LIPT2: variants seen among roughly 807,000 people sequenced by gnomAD.
LIPT2 encodes the protein lipoyl(octanoyl) transferase 2.
Under a neutral mutation model 16.2 loss-of-function variants are expected in LIPT2, and 16 were observed. That is an observed-to-expected ratio of 0.99 (90% confidence interval 0.67 to 1.50). The LOEUF (loss-of-function observed/expected upper bound fraction) is 1.50. Among genes scored for constraint, LIPT2 ranks in the 40% most tolerant of loss-of-function variants. The pLI, the probability that LIPT2 is intolerant of heterozygous loss-of-function variation, is 0.00. For missense variants in LIPT2, 424 were observed against 347.7 expected (o/e 1.22, Z -1.75); for synonymous variants, 199 against 169.3 (o/e 1.18, Z -1.36).
chr11:74,493,585 G>A lies in LIPT2; in HGVS notation c.119C>T (p.Ser40Leu). 6.9e-7 allele frequency: 1 copy of A among 1,452,158 alleles called. No homozygotes were observed. 90.0% of individuals were successfully genotyped at this position (1,452,158 alleles called of 1,614,324 possible). The change falls in exon 1 of 2, where the codon TCG (serine) becomes TTG (leucine). Residue 40 changes from serine (S) to leucine (L), a missense_variant. By Grantham distance (145) the Ser-to-Leu change is moderately radical (BLOSUM62 -2). Coordinates refer to ENST00000310109, the MANE Select transcript of LIPT2 (RefSeq NM_001144869.3). Reference sequence around the variant, plus strand: ...CAGGAGCGCGCCCGCCTCAGTCCCCGACGGGGCCTCAATGCCTGGCTCGGC... The same window carrying A: ...CAGGAGCGCGCCCGCCTCAGTCCCCAACGGGGCCTCAATGCCTGGCTCGGC... The part of the protein sequence containing the change: ...LQAEPGIEAP[S>L]GTEAGALLLC...
In LIPT2 at chr11:74,493,435, G is replaced by A. The variant is rs1215427401; in HGVS notation, c.269C>T (p.Thr90Ile). ...AAGCAGCTGGCCCGGGCCGTGGAAGGTGGCCAGGCCACCGCGGCCTGTGAC... is the reference window on the plus strand; with the variant it reads ...AAGCAGCTGGCCCGGGCCGTGGAAGATGGCCAGGCCACCGCGGCCTGTGAC... ...VRVTGRGGLA[T>I]FHGPGQLLCH... The change falls in exon 1 of 2, where the codon ACC (threonine) becomes ATC (isoleucine). Residue 90 changes from threonine (T) to isoleucine (I), a missense_variant. Physicochemically the swap from Thr to Ile is moderately conservative, Grantham distance 89 (BLOSUM62 -1). Transcript: ENST00000310109. The A allele has an allele frequency of 1.3e-6, 2 of 1,504,824 alleles. No individual in the cohort carries two copies. Among genetic ancestry groups the A allele is most frequent in the Non-Finnish European group, 1.8e-6 (2 of 1,133,822 alleles). 93.2% of individuals were successfully genotyped at this position (1,504,824 alleles called of 1,614,324 possible).
In LIPT2 at chr11:74,493,438, G is replaced by A. The variant is rs1864399292; in HGVS notation, c.266C>T (p.Ala89Val). Residue 89 changes from alanine (A) to valine (V), a missense_variant, in exon 1 of 2, where the codon GCC becomes GTC. Coordinates refer to ENST00000310109, the MANE Select transcript of LIPT2 (RefSeq NM_001144869.3). ...EVRVTGRGGLATFHGPGQLLC... is the reference protein window; with the variant it reads ...EVRVTGRGGLVTFHGPGQLLC... ...CAGCTGGCCCGGGCCGTGGAAGGTG[G>A]CCAGGCCACCGCGGCCTGTGACGCG... The A allele has an allele frequency of 6.7e-7, 1 of 1,501,000 alleles. No individual in the cohort carries two copies. Among genetic ancestry groups the A allele is most frequent in the Non-Finnish European group, 8.8e-7 (1 of 1,131,866 alleles). The allele number at this position is 1,501,000 out of a possible 1,614,324, so 93.0% of individuals were successfully genotyped here.
rs1236081673 is a variant in LIPT2 at position 74,491,466 on chromosome 11, T to A, written c.*669A>T. 6.6e-6 allele frequency among the ~76,000 whole-genome samples: 1 copy of A among 152,240 alleles called. No homozygotes were observed. The highest frequency in any genetic ancestry group is 1.5e-5 in the Non-Finnish European group (1 of 68,048). On this transcript the variant is annotated 3_prime_UTR_variant, in exon 2 of 2. Transcript: ENST00000310109. ...GCCTTACAAATTTAGAGGTCTCATA[T>A]AAGAAAAACTCACTTCTATCTTTGG...
In LIPT2 at chr11:74,493,396, A is replaced by G. The variant is rs965475341; in HGVS notation, c.308T>C (p.Leu103Pro). The G allele has an allele frequency of 6.6e-7, 1 of 1,516,092 alleles. No homozygotes were observed. The highest frequency in any genetic ancestry group is 8.8e-7 in the Non-Finnish European group (1 of 1,139,262). The allele number at this position is 1,516,092 out of a possible 1,614,324, so 93.9% of individuals were successfully genotyped here. A position where few individuals can be genotyped will look rare whatever the true frequency, so the allele number is the denominator to read the frequency against. The change falls in exon 1 of 2, where the codon CTC (leucine) becomes CCC (proline). Residue 103 changes from leucine (L) to proline (P), a missense_variant. Coordinates refer to ENST00000310109, the MANE Select transcript of LIPT2 (RefSeq NM_001144869.3). ...GPGQLLCHPVLDLRRLGLRLR... is the reference protein window; with the variant it reads ...GPGQLLCHPVPDLRRLGLRLR... ...GCGCAGGCCGAGACGCCGCAGGTCG[A>G]GTACCGGGTGGCAAAGCAGCTGGCC... is the stretch of plus-strand genomic sequence containing the variant.
Position 74,493,374 on chromosome 11 carries a change from C to T in LIPT2, c.330G>A (p.Leu110=). 6.6e-7 allele frequency: 1 copy of T among 1,512,662 alleles called. No individual in the cohort carries two copies. Among genetic ancestry groups the T allele is most frequent in the Middle Eastern group, 1.9e-4 (1 of 5,396 alleles). The allele number at this position is 1,512,662 out of a possible 1,614,324, so 93.7% of individuals were successfully genotyped here. The change falls in exon 1 of 2, where the codon CTG becomes CTA. Residue 110 remains leucine, a synonymous_variant. Coordinates refer to ENST00000310109, the MANE Select transcript of LIPT2 (RefSeq NM_001144869.3). ...GCGACGCTACGTGCATGCGCAAGCG[C>T]AGGCCGAGACGCCGCAGGTCGAGTA... ...HPVLDLRRLG[L]RLRMHVASLE...
At position 74,490,757 on chromosome 11, in the gene LIPT2, C is replaced by A. The variant is rs1211390072; in HGVS notation, c.*1378G>T. ...TCACCCATTTCTTTTACCTTTTTAA[C>A]ATGGATCCTAGAAAATGTCAAATTA... On this transcript the variant is annotated 3_prime_UTR_variant, in exon 2 of 2. Coordinates refer to ENST00000310109, the MANE Select transcript of LIPT2 (RefSeq NM_001144869.3). 6.6e-6 allele frequency among the ~76,000 whole-genome samples: 1 copy of A among 152,138 alleles called. No individual in the cohort carries two copies. Among genetic ancestry groups the A allele is most frequent in the African/African-American group, 2.4e-5 (1 of 41,434 alleles).
At chr11:74,492,840 C>T (rs1000716548) in intron 1 of LIPT2, among the ~76,000 whole-genome samples, 1 of 147,788 alleles carries the variant, frequency 6.8e-6, no homozygotes, top group East Asian at 2.0e-4. Flanking sequence ...GGAGGCGGAG[C>T]TTGCAGTGGG....
At position 74,490,909 on chromosome 11, in the gene LIPT2, C is replaced by T. The variant is rs1864322726; in HGVS notation, c.*1226G>A. On this transcript the variant is annotated 3_prime_UTR_variant, in exon 2 of 2. Coordinates refer to ENST00000310109, the MANE Select transcript of LIPT2 (RefSeq NM_001144869.3). ...GGGTCCCCTGACTTCTCATTCGAGG[C>T]TCTTTCCACTCTTAATAGGCTGTGG... Among the ~76,000 whole-genome samples, 1 of 152,190 alleles carries T rather than the reference C, an allele frequency of 6.6e-6. No individual in the cohort carries two copies. The highest frequency in any genetic ancestry group is 1.5e-5 in the Non-Finnish European group (1 of 68,036).
Position 74,491,754 on chromosome 11 carries a change from A to G in LIPT2, c.*381T>C, listed in dbSNP as rs1864339240. On this transcript the variant is annotated 3_prime_UTR_variant, in exon 2 of 2. Coordinates refer to ENST00000310109, the MANE Select transcript of LIPT2 (RefSeq NM_001144869.3). Reference sequence around the variant, plus strand: ...TGATTCCCACAAAATCAAAGGAACTAGAGCCCAGAATTGCTCAGTTAGACA... The same window carrying G: ...TGATTCCCACAAAATCAAAGGAACTGGAGCCCAGAATTGCTCAGTTAGACA... The G allele has an allele frequency of 5.4e-6, 1 of 186,742 alleles. No individual in the cohort carries two copies. The allele number at this position is 186,742 out of a possible 1,614,324, so 11.6% of individuals were successfully genotyped here.
At position 74,493,716 on chromosome 11, in the gene LIPT2, T is replaced by G; in HGVS notation, c.-13A>C. On this transcript the variant is annotated 5_prime_UTR_variant, in exon 1 of 2. Transcript: ENST00000310109. Reference sequence around the variant, plus strand: ...CGGGTTGCCGCATCGTGCCCACCGTTGCGTCCGCGGGGCCCCGCCCTCTCC... The same window carrying G: ...CGGGTTGCCGCATCGTGCCCACCGTGGCGTCCGCGGGGCCCCGCCCTCTCC... 1 of 1,353,252 alleles carries G rather than the reference T, an allele frequency of 7.4e-7. No homozygotes were observed. The highest frequency in any genetic ancestry group is 1.8e-5 in the South Asian group (1 of 54,874). 83.8% of individuals were successfully genotyped at this position (1,353,252 alleles called of 1,614,324 possible). A position where few individuals can be genotyped will look rare whatever the true frequency, so the allele number is the denominator to read the frequency against.
In LIPT2 at chr11:74,491,502, G is replaced by C. The variant is rs1402075005; in HGVS notation, c.*633C>G. ...CACTTCTATCTTTGGCATTTGTACAGTGTGAGAAATTATTCTTATCCTTCC... is the reference window on the plus strand; with the variant it reads ...CACTTCTATCTTTGGCATTTGTACACTGTGAGAAATTATTCTTATCCTTCC... On this transcript the variant is annotated 3_prime_UTR_variant, in exon 2 of 2. Coordinates refer to ENST00000310109, the MANE Select transcript of LIPT2 (RefSeq NM_001144869.3). 2.0e-5 allele frequency among the ~76,000 whole-genome samples: 3 copies of C among 152,240 alleles called. No homozygotes were observed. The highest frequency in any genetic ancestry group is 2.0e-4 in the Admixed American group (3 of 15,286).
In LIPT2 at chr11:74,493,350, C is replaced by G; in HGVS notation, c.354G>C (p.Ser118=). Residue 118 remains serine, a synonymous_variant, in exon 1 of 2, where the codon TCG becomes TCC. Coordinates refer to ENST00000310109, the MANE Select transcript of LIPT2 (RefSeq NM_001144869.3). ...LGLRLRMHVA[S]LEACAVRLCE... ...ACAGGCGCACGGCGCACGCCTCCAG[C>G]GACGCTACGTGCATGCGCAAGCGCA... The G allele has an allele frequency of 1.3e-6, 2 of 1,503,356 alleles. No homozygotes were observed. The highest frequency in any genetic ancestry group is 1.8e-6 in the Non-Finnish European group (2 of 1,132,618). 93.1% of individuals were successfully genotyped at this position (1,503,356 alleles called of 1,614,324 possible).
Position 74,492,013 on chromosome 11 carries a change from A to T in LIPT2, c.*122T>A, listed in dbSNP as rs1864346209. 1 of 679,522 alleles carries T rather than the reference A, an allele frequency of 1.5e-6. No individual in the cohort carries two copies. The highest frequency in any genetic ancestry group is 1.8e-5 in the African/African-American group (1 of 56,110). 42.1% of individuals were successfully genotyped at this position (679,522 alleles called of 1,614,324 possible). On this transcript the variant is annotated 3_prime_UTR_variant, in exon 2 of 2. Coordinates refer to ENST00000310109, the MANE Select transcript of LIPT2 (RefSeq NM_001144869.3). ...AAAATAGTGGCTCAGAGCTCATGGT[A>T]TGTCCTTAGTTTCATGATCAGTGAA...
In LIPT2 at chr11:74,493,262, C is replaced by A. The variant is rs1323223299; in HGVS notation, c.442G>T (p.Asp148Tyr). Residue 148 changes from aspartate (D) to tyrosine (Y), a missense_variant, in exon 1 of 2, where the codon GAC becomes TAC. Physicochemically the swap from Asp to Tyr is radical, Grantham distance 160. Transcript: ENST00000310109. ...CCGATCGCGCAGATCTTGCGATCGT[C>A]TAGCCAGACGCCAGTGTAGGGCGGG... ...RPPPYTGVWLDDRKICAIGVR... is the reference protein window; with the variant it reads ...RPPPYTGVWLYDRKICAIGVR... The A allele has an allele frequency of 7.3e-7, 1 of 1,368,276 alleles. No individual in the cohort carries two copies. The highest frequency in any genetic ancestry group is 3.5e-5 in the Admixed American group (1 of 28,660). 84.8% of individuals were successfully genotyped at this position (1,368,276 alleles called of 1,614,324 possible).
In LIPT2 at chr11:74,492,605, T is replaced by TA. The variant is rs374492084; in HGVS notation, c.467-242dup. On this transcript the variant is annotated intron_variant, in intron 1 of 1. Transcript: ENST00000310109. The stretch of plus-strand genomic sequence containing the variant: ...ATGTCTTTTAACAGATTCCAATACT[T>TA]AAAAAAAAAAAAGCTTGGGGACAGG... Among the ~76,000 whole-genome samples, 1,078 of 142,164 alleles carry TA rather than the reference T, an allele frequency of 7.6e-3. 7 individuals are homozygous for TA. The highest frequency in any genetic ancestry group is 0.023 in the African/African-American group (908 of 38,864). The allele number at this position is 142,164 out of a possible 152,430, so 93.3% of individuals were successfully genotyped here. A position where few individuals can be genotyped will look rare whatever the true frequency, so the allele number is the denominator to read the frequency against.
At position 74,493,251 on chromosome 11, in the gene LIPT2, C is replaced by A; in HGVS notation, c.453G>T (p.Lys151Asn). 1 of 1,353,910 alleles carries A rather than the reference C, an allele frequency of 7.4e-7. No homozygotes were observed. Among genetic ancestry groups the A allele is most frequent in the Non-Finnish European group, 9.5e-7 (1 of 1,054,188 alleles). 83.9% of individuals were successfully genotyped at this position (1,353,910 alleles called of 1,614,324 possible). A position where few individuals can be genotyped will look rare whatever the true frequency, so the allele number is the denominator to read the frequency against. ...PYTGVWLDDR[K>N]ICAIGVRCGR... ...CGCGGCGCTCACCGATCGCGCAGAT[C>A]TTGCGATCGTCTAGCCAGACGCCAG... Residue 151 changes from lysine to asparagine, a missense_variant, in exon 1 of 2, where the codon AAG becomes AAT. Coordinates refer to ENST00000310109, the MANE Select transcript of LIPT2 (RefSeq NM_001144869.3).
rs776700866 is a variant in LIPT2, at chr11:74,493,514, C to A, written c.190G>T (p.Gly64Cys). Residue 64 changes from glycine (G) to cysteine (C), a missense_variant, in exon 1 of 2, where the codon GGC becomes TGC. Coordinates refer to ENST00000310109, the MANE Select transcript of LIPT2 (RefSeq NM_001144869.3). ...CGCGCAGTTTCCTCGGGCGTCAGGC[C>A]GCCGCGCAGCCCGGCCGTATACACG... ...GPVYTAGLRG[G>C]LTPEETARLR... is the part of the protein sequence containing the mutation. 1 of 1,423,668 alleles carries A rather than the reference C, an allele frequency of 7.0e-7. No individual in the cohort carries two copies. The highest frequency in any genetic ancestry group is 1.4e-5 in the South Asian group (1 of 69,734). 88.2% of individuals were successfully genotyped at this position (1,423,668 alleles called of 1,614,324 possible).
intron 1 of LIPT2, 35 bp from the exon 2 acceptor site, chr11:74,492,399 C>G: frequency 7.4e-7 from 1 of 1,356,110 alleles, no homozygotes; most frequent in Non-Finnish European, 1.0e-6. Context: ...AGAGTAGATA[C>G]CCTCCACTCT....
Position 74,492,087 on chromosome 11 carries a change from A to C in LIPT2, c.*48T>G. ...GGTTTCAGTAGGTGACTCAAGTCAG[A>C]CTTCATGCTTCCCAAGGCAGGAGCA... On this transcript the variant is annotated 3_prime_UTR_variant, in exon 2 of 2. Coordinates refer to ENST00000310109, the MANE Select transcript of LIPT2 (RefSeq NM_001144869.3). 6.9e-7 allele frequency: 1 copy of C among 1,459,026 alleles called. No individual in the cohort carries two copies. Among genetic ancestry groups the C allele is most frequent in the Non-Finnish European group, 9.4e-7 (1 of 1,063,650 alleles). 90.4% of individuals were successfully genotyped at this position (1,459,026 alleles called of 1,614,324 possible).
Sources: gnomAD v4.1 joint callset for allele counts (sites outside exome capture counted in the v4.1 genomes callset) on GRCh38, gnomAD v4.1.1 for gene constraint, MANE v1.5 for transcripts, NCBI Gene and HGNC (gene_info 2026-07-23, HGNC 2026-07-21) for gene names.